VPS37C: variants seen among roughly 807,000 people sequenced by gnomAD.
The protein encoded by VPS37C is VPS37C subunit of ESCRT-I, also known as vacuolar protein sorting-associated protein 37C.
VPS37C carries 9 observed loss-of-function variants against 16.1 expected under a neutral mutation model. The observed-to-expected ratio is 0.56, with a 90% CI of 0.34 to 0.97. The LOEUF is 0.97. VPS37C is among the 50% of genes least tolerant of loss of function. The pLI, the probability that VPS37C is intolerant of heterozygous loss-of-function variation, is 0.02. For missense variants in VPS37C, 479 were observed against 472.7 expected (o/e 1.01, Z -0.12); for synonymous variants, 207 against 206.4 (o/e 1.00, Z -0.02).
intron 2 of VPS37C, among the ~76,000 whole-genome samples, chr11:61,136,330 C>T (rs1039182771): frequency 1.5e-4 from 23 of 152,124 alleles, no homozygotes; most frequent in Non-Finnish European, 5.9e-5. Context: ...CGTGCCACCA[C>T]GCCTGGCTAA....
In VPS37C at chr11:61,135,796, C is replaced by T. The variant is rs564607383; in HGVS notation, c.94-1589G>A. On this transcript the variant is annotated intron_variant, in intron 2 of 4. Transcript: ENST00000301765. ...GAGTGAAAGGCCTAAAGCCCTCCTG[C>T]TCACCCATCCCTTGCAGGGCCCCAT... 2.6e-5 allele frequency among the ~76,000 whole-genome samples: 4 copies of T among 152,322 alleles called. No homozygotes were observed. The East Asian group carries it at 5.8e-4, about 22-fold the overall frequency.
At chr11:61,160,307 G>A (rs1853451118) in intron 1 of VPS37C, among the ~76,000 whole-genome samples, 1 of 152,098 alleles carries the variant, frequency 6.6e-6, no homozygotes, top group Non-Finnish European at 1.5e-5. Context: ...GATCCCACCC[G>A]GAACTACAGA....
At chr11:61,142,251 A>T (rs1296820958) in intron 1 of VPS37C, among the ~76,000 whole-genome samples, 4 of 152,146 alleles carry the variant, frequency 2.6e-5, no homozygotes, top group Non-Finnish European at 5.9e-5. Flanking sequence ...ATTTTTTTTC[A>T]AACAGGGTCT....
At chr11:61,149,145 G>A (rs987393596) in intron 1 of VPS37C, among the ~76,000 whole-genome samples, 5 of 152,210 alleles carry the variant, frequency 3.3e-5, no homozygotes, top group African/African-American at 1.2e-4. Flanking sequence ...AGTTAGCTGG[G>A]CGTGGTGGCA....
chr11:61,132,936 G>A (rs554801089), intron 4 of VPS37C: 30 of 533,182 alleles, frequency 5.6e-5, no homozygotes, highest in South Asian at 2.4e-4. Context: ...AGAGGTGGCC[G>A]GAGGGAAGCA....
At chr11:61,155,200 C>T (rs1430039765) in intron 1 of VPS37C, among the ~76,000 whole-genome samples, 1 of 151,560 alleles carries the variant, frequency 6.6e-6, no homozygotes, top group African/African-American at 2.4e-5. Context: ...TAAAAATAAA[C>T]AGACCAGGTG....
At chr11:61,154,510 C>T (rs1402687483) in intron 1 of VPS37C, among the ~76,000 whole-genome samples, 2 of 151,802 alleles carry the variant, frequency 1.3e-5, no homozygotes, top group African/African-American at 4.8e-5. Flanking sequence ...GCAATAGAAA[C>T]TAACCAGAAC....
At chr11:61,150,219 C>G (rs980992144) in intron 1 of VPS37C, among the ~76,000 whole-genome samples, 2 of 152,118 alleles carry the variant, frequency 1.3e-5, no homozygotes, top group South Asian at 2.1e-4. Context: ...CCCCCCACCC[C>G]TGATGTCCAA....
rs529217935 is a variant in VPS37C, at chr11:61,149,272, C to A, written c.-6-10437G>T. The stretch of plus-strand genomic sequence containing the variant: ...CTGCATCCCAGCCTCGGCGACAGAG[C>A]GAGACTCCATCTCAAAGTAAACAAA... On this transcript the variant is annotated intron_variant, in intron 1 of 4. Transcript: ENST00000301765. Among the ~76,000 whole-genome samples, 9 of 152,240 alleles carry A rather than the reference C, an allele frequency of 5.9e-5. No individual in the cohort carries two copies. The East Asian group carries it at 1.2e-3, about 20-fold the overall frequency.
At chr11:61,132,714 C>T (rs1363337276) in intron 4 of VPS37C, 175 bp from the exon 5 acceptor site, 2 of 838,342 alleles carry the variant, frequency 2.4e-6, no homozygotes, top group South Asian at 1.9e-5. Context: ...TGCACTGTCT[C>T]CCTCACTAGA....
At chr11:61,140,611 G>C (rs534385403) in intron 1 of VPS37C, among the ~76,000 whole-genome samples, 145 of 152,322 alleles carry the variant, frequency 9.5e-4, no homozygotes, top group African/African-American at 3.2e-3. Context: ...TAGTAGGTCA[G>C]GGCAGGGCCC....
chr11:61,158,684 C>T (rs1853418151), intron 1 of VPS37C, among the ~76,000 whole-genome samples: 1 of 152,210 alleles, frequency 6.6e-6, no homozygotes, highest in African/African-American at 2.4e-5. Context: ...CCTGAGCTAT[C>T]TGTTTGAGGT....
chr11:61,132,509 C>T lies in VPS37C; in HGVS notation c.379G>A (p.Val127Met). 1.7e-5 allele frequency: 27 copies of T among 1,607,870 alleles called. No individual in the cohort carries two copies. Among genetic ancestry groups the T allele is most frequent in the Non-Finnish European group, 2.1e-5 (25 of 1,176,860 alleles). ...TTCTCCAGGAACGTTTCCAGGGGCACCTCGCCCTCCAGGAACTTCTCAGCC... is the reference window on the plus strand; with the variant it reads ...TTCTCCAGGAACGTTTCCAGGGGCATCTCGCCCTCCAGGAACTTCTCAGCC... ...AMAEKFLEGE[V>M]PLETFLENFS... The change falls in exon 5 of 5, where the codon GTG (valine) becomes ATG (methionine). Residue 127 changes from valine to methionine, a missense_variant. Physicochemically the swap from Val to Met is conservative, Grantham distance 21. Transcript: ENST00000301765.
chr11:61,138,965 G>C, intron 1 of VPS37C, 130 bp from the exon 2 acceptor site: 1 of 823,018 alleles, frequency 1.2e-6, no homozygotes, highest in Non-Finnish European at 2.0e-6. Context: ...CGGGAGGCTC[G>C]AGGAGAGGCA....
chr11:61,158,734 G>A (rs1456136527), intron 1 of VPS37C, among the ~76,000 whole-genome samples: 1 of 152,202 alleles, frequency 6.6e-6, no homozygotes, highest in Non-Finnish European at 1.5e-5. Flanking sequence ...CCCATCCTAA[G>A]CCCCAGGGGT....
At chr11:61,132,895 T>G in intron 4 of VPS37C, 6 of 506,680 alleles carry the variant, frequency 1.2e-5, no homozygotes, top group South Asian at 2.2e-5. Context: ...AGACACAGAG[T>G]GGACAGCACC....
intron 2 of VPS37C, among the ~76,000 whole-genome samples, chr11:61,137,322 G>C (rs1202977182): frequency 6.6e-6 from 1 of 152,206 alleles, no homozygotes; most frequent in Non-Finnish European, 1.5e-5. Context: ...GGCTTGTCCT[G>C]CTTCATTTCT....
At chr11:61,150,743 C>G (rs1293174171) in intron 1 of VPS37C, among the ~76,000 whole-genome samples, 2 of 151,986 alleles carry the variant, frequency 1.3e-5, no homozygotes, top group Non-Finnish European at 2.9e-5. Flanking sequence ...CAACCCTCAC[C>G]AGCCCCTCCC....
At chr11:61,140,380 T>TC (rs900826735) in intron 1 of VPS37C, among the ~76,000 whole-genome samples, 10 of 146,120 alleles carry the variant, frequency 6.8e-5, no homozygotes, top group African/African-American at 2.5e-4. Context: ...CAGGGGACCC[T>TC]CCCCCCACCC....
Sources: allele counts gnomAD v4.1 joint callset (sites outside exome capture counted in the v4.1 genomes callset), GRCh38; gene constraint gnomAD v4.1.1; transcripts MANE v1.5; gene names NCBI Gene and HGNC (gene_info 2026-07-23, HGNC 2026-07-21).